The following KBTBD12 variants were observed in gnomAD, a reference collection of about 807,000 sequenced individuals.
The protein encoded by KBTBD12 is kelch repeat and BTB domain-containing protein 12.
A neutral mutation model predicts 58.7 loss-of-function variants in KBTBD12; 53 were observed. The observed-to-expected ratio is 0.90, with a 90% CI of 0.72 to 1.14. KBTBD12 has a LOEUF of 1.14. Among genes scored for constraint, KBTBD12 ranks in the 50% most tolerant of loss-of-function variants. The pLI, the probability that KBTBD12 is intolerant of heterozygous loss-of-function variation, is 0.00. For synonymous variants in KBTBD12, 236 were observed against 259.8 expected (o/e 0.91, Z 0.88); for missense variants, 704 against 751.3 (o/e 0.94, Z 0.74).
In KBTBD12 at chr3:127,923,050, G is replaced by A. The variant is rs1376566670; in HGVS notation, c.-12G>A. 2.6e-6 allele frequency: 4 copies of A among 1,524,524 alleles called. No individual in the cohort carries two copies. In the African/African-American group the frequency reaches 5.5e-5, roughly 21 times the overall value. 94.4% of individuals were successfully genotyped at this position (1,524,524 alleles called of 1,614,324 possible). A position where few individuals can be genotyped will look rare whatever the true frequency, so the allele number is the denominator to read the frequency against. On this transcript the variant is annotated 5_prime_UTR_variant, in exon 2 of 6. Transcript: ENST00000405109. Reference sequence around the variant, plus strand: ...TAAAGAAGACTTAGTTGGAAACTTTGGAGAGTAGATCATGGAGTGCAAGAT... The same window carrying A: ...TAAAGAAGACTTAGTTGGAAACTTTAGAGAGTAGATCATGGAGTGCAAGAT...
In KBTBD12 at chr3:127,923,171, C is replaced by T; in HGVS notation, c.110C>T (p.Ala37Val). The change falls in exon 2 of 6, where the codon GCA becomes GTA. Residue 37 changes from alanine (A) to valine (V), a missense_variant. Coordinates refer to ENST00000405109, the MANE Select transcript of KBTBD12 (RefSeq NM_207335.4). Reference sequence around the variant, plus strand: ...GAAATGATTGATGTGGTACTCACAGCAGAAGGAGAGAAATTTCCTTGCCAC... The same window carrying T: ...GAAATGATTGATGTGGTACTCACAGTAGAAGGAGAGAAATTTCCTTGCCAC... ...LAEMIDVVLT[A>V]EGEKFPCHRL... 6.2e-7 allele frequency: 1 copy of T among 1,613,356 alleles called. No homozygotes were observed.
chr3:127,972,583 A>T (rs1045586797), intron 5 of KBTBD12, among the ~76,000 whole-genome samples: 12 of 152,214 alleles, frequency 7.9e-5, no homozygotes, highest in Admixed American at 2.6e-4. Flanking sequence ...GTATTGTTGG[A>T]TGATGGACTC....
intron 4 of KBTBD12, among the ~76,000 whole-genome samples, chr3:127,931,265 G>T (rs1160999166): frequency 1.3e-5 from 2 of 151,996 alleles, no homozygotes; most frequent in African/African-American, 4.8e-5. Context: ...ACAGCATGAA[G>T]CAAAATAATT....
intron 5 of KBTBD12, among the ~76,000 whole-genome samples, chr3:127,970,758 G>A: frequency 6.6e-6 from 1 of 152,178 alleles, no homozygotes; most frequent in South Asian, 2.1e-4. Flanking sequence ...GCAGAAAGTA[G>A]ATTTGTGATT....
intron 1 of KBTBD12, among the ~76,000 whole-genome samples, chr3:127,920,688 C>T (rs1315389874): frequency 6.6e-6 from 1 of 151,780 alleles, no homozygotes; most frequent in Non-Finnish European, 1.5e-5. Flanking sequence ...AAGAAATTGA[C>T]TTTTTTTGCA....
At chr3:127,974,570 G>A (rs1256485770) in intron 5 of KBTBD12, among the ~76,000 whole-genome samples, 1 of 152,152 alleles carries the variant, frequency 6.6e-6, no homozygotes, top group African/African-American at 2.4e-5. Flanking sequence ...CCAAATCCTG[G>A]AGACTCACCA....
intron 1 of KBTBD12, among the ~76,000 whole-genome samples, chr3:127,919,698 G>A (rs1395480964): frequency 6.6e-6 from 1 of 151,898 alleles, no homozygotes; most frequent in Admixed American, 6.6e-5. Context: ...ATAATTTTTT[G>A]TTTTTTCCAA....
chr3:127,982,966 T>A (rs1056905632), intron 5 of KBTBD12, among the ~76,000 whole-genome samples: 13 of 152,182 alleles, frequency 8.5e-5, no homozygotes, highest in Admixed American at 5.9e-4. Flanking sequence ...AATGTGAGCA[T>A]CCCTATCCCA....
At chr3:127,983,182 C>G (rs948075365) in intron 5 of KBTBD12, among the ~76,000 whole-genome samples, 7 of 152,248 alleles carry the variant, frequency 4.6e-5, no homozygotes, top group African/African-American at 1.7e-4. Context: ...GTGAACGTGG[C>G]CTTTCTTCGT....
chr3:127,950,463 C>G (rs1205990113), intron 4 of KBTBD12, among the ~76,000 whole-genome samples: 1 of 152,106 alleles, frequency 6.6e-6, no homozygotes, highest in African/African-American at 2.4e-5. Flanking sequence ...AGGTAAAATT[C>G]AATTAAGTAA....
intron 5 of KBTBD12, among the ~76,000 whole-genome samples, chr3:127,974,612 AGTTCCCTG>A (rs1940744912): frequency 6.6e-6 from 1 of 152,202 alleles, no homozygotes; most frequent in Admixed American, 6.5e-5. Context: ...CTCAGGGACA[AGTTCCCTG>A]TTCCATACAT....
intron 4 of KBTBD12, among the ~76,000 whole-genome samples, chr3:127,955,698 C>T (rs1235978755): frequency 6.6e-6 from 1 of 152,110 alleles, no homozygotes; most frequent in Non-Finnish European, 1.5e-5. Flanking sequence ...TCGAAAAACA[C>T]AGATGTTCTG....
At chr3:127,940,606 TG>T (rs1468015756) in intron 4 of KBTBD12, among the ~76,000 whole-genome samples, 2 of 152,122 alleles carry the variant, frequency 1.3e-5, no homozygotes, top group African/African-American at 4.8e-5. Flanking sequence ...ATTAAGTGCT[TG>T]TATTAGAAAA....
chr3:127,915,934 G>T (rs1017606390), intron 1 of KBTBD12, among the ~76,000 whole-genome samples: 6 of 152,242 alleles, frequency 3.9e-5, no homozygotes, highest in Non-Finnish European at 5.9e-5. Flanking sequence ...CCTGTTCCTG[G>T]TTGTCTTCCC....
intron 5 of KBTBD12, among the ~76,000 whole-genome samples, chr3:127,976,742 G>A (rs1192166625): frequency 6.6e-6 from 1 of 152,214 alleles, no homozygotes; most frequent in African/African-American, 2.4e-5. Flanking sequence ...TCTTTTCCAT[G>A]TTAGGTAGTA....
At chr3:127,971,789 AT>A (rs1940687062) in intron 5 of KBTBD12, among the ~76,000 whole-genome samples, 2 of 152,098 alleles carry the variant, frequency 1.3e-5, no homozygotes, top group African/African-American at 4.8e-5. Flanking sequence ...CATCTGAGCC[AT>A]TTTCATCATC....
chr3:127,974,370 G>T (rs1475544788), intron 5 of KBTBD12, among the ~76,000 whole-genome samples: 1 of 152,176 alleles, frequency 6.6e-6, no homozygotes, highest in Admixed American at 6.5e-5. Flanking sequence ...GGGCCTCCAT[G>T]ATACGGAAAG....
intron 4 of KBTBD12, among the ~76,000 whole-genome samples, chr3:127,947,532 C>T (rs188333384): frequency 6.6e-6 from 1 of 152,326 alleles, no homozygotes; most frequent in East Asian, 1.9e-4. Flanking sequence ...GAGATGGAGA[C>T]CACATGTGTG....
intron 4 of KBTBD12, among the ~76,000 whole-genome samples, chr3:127,948,695 C>T (rs376364922): frequency 6.6e-6 from 1 of 152,224 alleles, no homozygotes; most frequent in East Asian, 1.9e-4. Flanking sequence ...GCCTCCAGCT[C>T]TGGGCTAGGC....
Sources: gnomAD v4.1 joint callset for allele counts (sites outside exome capture counted in the v4.1 genomes callset) on GRCh38, gnomAD v4.1.1 for gene constraint, MANE v1.5 for transcripts, NCBI Gene and HGNC (gene_info 2026-07-23, HGNC 2026-07-21) for gene names.